The following RTN3 variants were observed in gnomAD, a reference collection of about 807,000 sequenced individuals.
RTN3 encodes the protein reticulon 3.
Under a neutral mutation model 77.8 loss-of-function variants are expected in RTN3, and 49 were observed. That is an observed-to-expected ratio of 0.63 (90% CI 0.50 to 0.80). The LOEUF is 0.80. RTN3 is among the 30% of genes least tolerant of loss of function. The pLI, the probability that RTN3 is intolerant of heterozygous loss-of-function variation, is 0.00. For synonymous variants in RTN3, 464 were observed against 446.9 expected (o/e 1.04, Z -0.48); for missense variants, 1,236 against 1,211.9 (o/e 1.02, Z -0.29).
chr11:63,726,555 C>T (rs915961401), intron 3 of RTN3, among the ~76,000 whole-genome samples: 1 of 152,166 alleles, frequency 6.6e-6, no homozygotes, highest in Non-Finnish European at 1.5e-5. Flanking sequence ...ATAAGCAGCA[C>T]AACTAGAGAT....
intron 1 of RTN3, among the ~76,000 whole-genome samples, chr11:63,690,342 AT>A (rs1166637116): frequency 6.6e-6 from 1 of 152,114 alleles, no homozygotes; most frequent in African/African-American, 2.4e-5. Context: ...CTGCTTTATG[AT>A]TTAAGTTGTG....
intron 7 of RTN3, among the ~76,000 whole-genome samples, chr11:63,755,838 A>G (rs1312122223): frequency 6.6e-6 from 1 of 151,710 alleles, no homozygotes; most frequent in Non-Finnish European, 1.5e-5. Flanking sequence ...GGGCGCCCGT[A>G]GTCCCAGCTA....
At chr11:63,750,282 T>A in intron 4 of RTN3, 84 bp downstream of exon 4, 1 of 1,162,134 alleles carries the variant, frequency 8.6e-7, no homozygotes, top group Non-Finnish European at 1.2e-6. Context: ...CAGACCTGAC[T>A]AAAAATCAAG....
rs1157658996 is a variant in RTN3 at position 63,720,570 on chromosome 11, G to A, written c.2068G>A (p.Val690Ile). Residue 690 changes from valine to isoleucine, a missense_variant, in exon 3 of 9, where the codon GTA becomes ATA. Physicochemically the swap from Val to Ile is conservative, Grantham distance 29. Coordinates refer to ENST00000377819, the MANE Select transcript of RTN3 (RefSeq NM_001265589.2). ...KMTDFKTTPP[V>I]EVLHENESGG... ...GACAGACTTTAAAACAACTCCTCCT[G>A]TAGAAGTCTTACATGAAAATGAGTC... The A allele has an allele frequency of 4.3e-6, 7 of 1,614,000 alleles. No individual in the cohort carries two copies. In the East Asian group the frequency reaches 6.7e-5, roughly 15 times the overall value.
chr11:63,753,780 T>C lies in RTN3; in HGVS notation c.2994+72T>C, dbSNP rs879167855. 3.8e-5 allele frequency: 52 copies of C among 1,358,654 alleles called. No individual in the cohort carries two copies. The East Asian group carries it at 7.2e-4, about 19-fold the overall frequency. 84.2% of individuals were successfully genotyped at this position (1,358,654 alleles called of 1,614,324 possible). The stretch of plus-strand genomic sequence containing the variant: ...CTAGTTGTAGTTCATTTCTGAGACA[T>C]TGAATGTTCAGAGCAGTCTTTTTAT... On this transcript the variant is annotated intron_variant, in intron 7 of 8. Coordinates refer to ENST00000377819, the MANE Select transcript of RTN3 (RefSeq NM_001265589.2).
intron 3 of RTN3, among the ~76,000 whole-genome samples, chr11:63,727,256 T>C (rs2012350000): frequency 6.6e-6 from 1 of 152,222 alleles, no homozygotes; most frequent in Admixed American, 6.5e-5. Flanking sequence ...TTGTACAGCA[T>C]AATATTCACA....
At chr11:63,718,569 G>T in intron 2 of RTN3, 133 bp from the exon 3 acceptor site, 1 of 560,934 alleles carries the variant, frequency 1.8e-6, no homozygotes, top group Non-Finnish European at 3.0e-6. Context: ...ATTTATGTGT[G>T]TATATATACA....
chr11:63,681,735 C>A lies in RTN3; in HGVS notation c.99C>A (p.Ala33=). The change falls in exon 1 of 9, where the codon GCC becomes GCA. Residue 33 remains alanine, a synonymous_variant. Transcript: ENST00000377819. The part of the protein sequence containing the change: ...SAPGGGGSPG[A]CPALGTKSCS... ...CCGGCGGCGGCGGGAGCCCAGGAGC[C>A]TGCCCCGCCCTGGGGACGAAGAGCT... 6.2e-7 allele frequency: 1 copy of A among 1,607,502 alleles called. No individual in the cohort carries two copies. Among genetic ancestry groups the A allele is most frequent in the Non-Finnish European group, 8.5e-7 (1 of 1,178,080 alleles).
intron 8 of RTN3, among the ~76,000 whole-genome samples, chr11:63,756,844 G>A (rs1300440059): frequency 2.6e-5 from 4 of 152,006 alleles, no homozygotes; most frequent in Admixed American, 6.5e-5. Flanking sequence ...TCAGGAGTTC[G>A]AGACCAGCCT....
At chr11:63,725,519 G>A (rs534056574) in intron 3 of RTN3, among the ~76,000 whole-genome samples, 3 of 151,392 alleles carry the variant, frequency 2.0e-5, no homozygotes, top group African/African-American at 4.9e-5. Context: ...TGCAATCTCC[G>A]CTCACTGCAA....
chr11:63,747,424 T>C (rs2013862435), intron 3 of RTN3, among the ~76,000 whole-genome samples: 1 of 152,192 alleles, frequency 6.6e-6, no homozygotes, highest in Non-Finnish European at 1.5e-5. Context: ...TGAGCCTGAG[T>C]TCCCTCCCAA....
In RTN3 at chr11:63,737,860, T is replaced by C. The variant is rs151241512; in HGVS notation, c.2531-12131T>C. ...TTTCTCTGGCCTGCTGCCAGACTTATCTATGGCCAAAAGTATGTGTGTCTG... is the reference window on the plus strand; with the variant it reads ...TTTCTCTGGCCTGCTGCCAGACTTACCTATGGCCAAAAGTATGTGTGTCTG... On this transcript the variant is annotated intron_variant, in intron 3 of 8. Transcript: ENST00000377819. Among the ~76,000 whole-genome samples, 1,024 of 152,338 alleles carry C rather than the reference T, an allele frequency of 6.7e-3. 7 individuals are homozygous for C. The highest frequency in any genetic ancestry group is 0.011 in the Non-Finnish European group (749 of 68,036).
intron 1 of RTN3, among the ~76,000 whole-genome samples, chr11:63,693,451 T>C (rs1453545096): frequency 6.6e-6 from 1 of 151,878 alleles, no homozygotes; most frequent in Admixed American, 6.6e-5. Context: ...ACCATTGTAC[T>C]CCAGCCTGGG....
chr11:63,745,720 T>A (rs1474227211), intron 3 of RTN3, among the ~76,000 whole-genome samples: 5 of 152,248 alleles, frequency 3.3e-5, no homozygotes, highest in Admixed American at 1.3e-4. Context: ...TTTACACTTG[T>A]TATCTTTGTA....
chr11:63,686,973 CCTCA>C (rs1245804708), intron 1 of RTN3, among the ~76,000 whole-genome samples: 2 of 152,200 alleles, frequency 1.3e-5, no homozygotes, highest in Non-Finnish European at 2.9e-5. Flanking sequence ...ATATTTCTTT[CCTCA>C]CTCATGAAAC....
chr11:63,733,141 C>T (rs531690692), intron 3 of RTN3, among the ~76,000 whole-genome samples: 1 of 151,212 alleles, frequency 6.6e-6, no homozygotes, highest in South Asian at 2.1e-4. Flanking sequence ...ATGGTGAAAC[C>T]CTATCTCTAC....
At chr11:63,691,376 C>T (rs773656467) in intron 1 of RTN3, among the ~76,000 whole-genome samples, 2 of 152,068 alleles carry the variant, frequency 1.3e-5, no homozygotes, top group African/African-American at 4.8e-5. Flanking sequence ...CCTCCTTGGC[C>T]TCCTAAAATG....
chr11:63,709,392 T>C (rs983694224), intron 2 of RTN3, among the ~76,000 whole-genome samples: 3 of 151,972 alleles, frequency 2.0e-5, no homozygotes, highest in Admixed American at 2.0e-4. Flanking sequence ...TTAGAAAACA[T>C]TGGAAGAAAA....
chr11:63,743,898 A>G (rs1041920499), intron 3 of RTN3, among the ~76,000 whole-genome samples: 1 of 152,044 alleles, frequency 6.6e-6, no homozygotes, highest in African/African-American at 2.4e-5. Flanking sequence ...CGTGGGCAAC[A>G]CACTGAGACT....
Sources: gnomAD v4.1 joint callset for allele counts (sites outside exome capture counted in the v4.1 genomes callset) on GRCh38, gnomAD v4.1.1 for gene constraint, MANE v1.5 for transcripts, NCBI Gene and HGNC (gene_info 2026-07-23, HGNC 2026-07-21) for gene names.